The following MTNR1A variants were observed in gnomAD, a reference collection of about 807,000 sequenced individuals.
MTNR1A encodes melatonin receptor type 1A.
In MTNR1A, 7 loss-of-function variants were observed where a neutral mutation model predicts 5.5. That is an observed-to-expected ratio of 1.28 (90% CI 0.73 to 2.40). The LOEUF is 2.40. Ranked by LOEUF, MTNR1A falls within the 30% of genes most tolerant of loss-of-function variation. MTNR1A has a pLI of 0.00. For missense variants in MTNR1A, 441 were observed against 464.4 expected (o/e 0.95, Z 0.46); for synonymous variants, 196 against 202.7 (o/e 0.97, Z 0.28).
In MTNR1A at chr4:186,547,388, G is replaced by A. The variant is rs28615203; in HGVS notation, c.184+7794C>T. ...GGACACACTGTCCACACCACACCCT[G>A]TTCGTGGGACACACTGTCCTCACAC... is the stretch of plus-strand genomic sequence containing the variant. On this transcript the variant is annotated intron_variant, in intron 1 of 1. Transcript: ENST00000307161. Among the ~76,000 whole-genome samples, 445 of 147,470 alleles carry A rather than the reference G, an allele frequency of 3.0e-3. 5 individuals carry two copies. Among genetic ancestry groups the A allele is most frequent in the African/African-American group, 9.3e-3 (362 of 38,834 alleles).
At chr4:186,548,253 C>T (rs1433918007) in intron 1 of MTNR1A, among the ~76,000 whole-genome samples, 1 of 151,904 alleles carries the variant, frequency 6.6e-6, no homozygotes. Flanking sequence ...TTGCTAAATC[C>T]AAAAGAGAGT....
chr4:186,535,023 G>A (rs1332384198), intron 1 of MTNR1A, among the ~76,000 whole-genome samples: 2 of 152,176 alleles, frequency 1.3e-5, no homozygotes, highest in Non-Finnish European at 2.9e-5. Context: ...CATAGAGAGG[G>A]AGTTAAGGGC....
At chr4:186,540,179 T>C (rs1340577801) in intron 1 of MTNR1A, among the ~76,000 whole-genome samples, 1 of 152,156 alleles carries the variant, frequency 6.6e-6, no homozygotes, top group Non-Finnish European at 1.5e-5. Context: ...GACCTGCCCC[T>C]GTGATTCAAT....
rs113093366 is a variant in MTNR1A, at chr4:186,549,365, C to A, written c.184+5817G>T. 8.5e-4 allele frequency among the ~76,000 whole-genome samples: 130 copies of A among 152,336 alleles called. 1 individual carries two copies. In the Middle Eastern group the frequency reaches 0.01, roughly 12 times the overall value. ...CAGGCTAGTTCTCCAGCAGGCGTTT[C>A]TTCGAAAGACCTGAAGCCAGTGTGT... On this transcript the variant is annotated intron_variant, in intron 1 of 1. Transcript: ENST00000307161.
rs893157784 is a variant in MTNR1A at position 186,534,705 on chromosome 4, C to A, written c.185-148G>T. 59 of 787,948 alleles carry A rather than the reference C, an allele frequency of 7.5e-5. No homozygotes were observed. In the African/African-American group the frequency reaches 2.0e-3, roughly 27 times the overall value. 48.8% of individuals were successfully genotyped at this position (787,948 alleles called of 1,614,324 possible). On this transcript the variant is annotated intron_variant, in intron 1 of 1. Transcript: ENST00000307161. ...CTGCAAATGAAGTGGAGGCCGTTTC[C>A]CAGGAGGGCCAGTCCACTGCCGCTC...
chr4:186,536,447 G>C (rs986863725), intron 1 of MTNR1A, among the ~76,000 whole-genome samples: 1 of 152,148 alleles, frequency 6.6e-6, no homozygotes, highest in African/African-American at 2.4e-5. Flanking sequence ...GGGTGCGCTG[G>C]ACAGGGACAG....
intron 1 of MTNR1A, among the ~76,000 whole-genome samples, chr4:186,536,615 C>T (rs900388476): frequency 2.6e-5 from 4 of 152,172 alleles, no homozygotes; most frequent in African/African-American, 9.6e-5. Context: ...TTTGCTCATA[C>T]ACTCAATGAG....
chr4:186,545,522 G>A (rs78538275), intron 1 of MTNR1A, among the ~76,000 whole-genome samples: 5 of 152,210 alleles, frequency 3.3e-5, no homozygotes, highest in Non-Finnish European at 7.4e-5. Flanking sequence ...TTGAATTAAC[G>A]CACCCTTTGG....
intron 1 of MTNR1A, 33 bp from the exon 2 acceptor site, chr4:186,534,590 T>G (rs748198056): frequency 6.2e-7 from 1 of 1,600,994 alleles, no homozygotes; most frequent in East Asian, 2.2e-5. Context: ...ATACAGTGAA[T>G]ACCAGTTCAC....
At position 186,555,082 on chromosome 4, in the gene MTNR1A, G is replaced by T; in HGVS notation, c.184+100C>A. On this transcript the variant is annotated intron_variant, in intron 1 of 1. Coordinates refer to ENST00000307161, the MANE Select transcript of MTNR1A (RefSeq NM_005958.4). The surrounding 1 kb of genome is among the most constrained non-coding windows in gnomAD (Gnocchi z 4.1). ...CAGGAAAAATAACTCCAAGTCCGCA[G>T]TGTTTAGGAAAAAGAACCAAGTGCT... The T allele has an allele frequency of 7.8e-7, 1 of 1,280,664 alleles. No homozygotes were observed. Among genetic ancestry groups the T allele is most frequent in the Non-Finnish European group, 1.1e-6 (1 of 904,672 alleles). The allele number at this position is 1,280,664 out of a possible 1,614,324, so 79.3% of individuals were successfully genotyped here. A position where few individuals can be genotyped will look rare whatever the true frequency, so the allele number is the denominator to read the frequency against.
Position 186,533,849 on chromosome 4 carries a change from A to C in MTNR1A, c.893T>G (p.Leu298Arg), listed in dbSNP as rs768255388. The C allele has an allele frequency of 1.2e-6, 2 of 1,614,190 alleles. No homozygotes were observed. ...SCLNAIIYGLLNQNFRKEYRR... is the reference protein window; with the variant it reads ...SCLNAIIYGLRNQNFRKEYRR... The stretch of plus-strand genomic sequence containing the variant: ...GTATTCCTTCCTGAAATTTTGGTTC[A>C]GTAGCCCGTATATAATGGCATTGAG... The change falls in exon 2 of 2, where the codon CTG becomes CGG. Residue 298 changes from leucine to arginine, a missense_variant. By Grantham distance (102) the Leu-to-Arg change is moderately radical. Coordinates refer to ENST00000307161, the MANE Select transcript of MTNR1A (RefSeq NM_005958.4).
At chr4:186,535,838 A>G (rs1051340003) in intron 1 of MTNR1A, among the ~76,000 whole-genome samples, 1 of 152,044 alleles carries the variant, frequency 6.6e-6, no homozygotes, top group East Asian at 1.9e-4. Flanking sequence ...AATCCTGCCC[A>G]TTCTCCCAAG....
rs74674462 is a variant in MTNR1A, at chr4:186,538,141, C to T, written c.185-3584G>A. On this transcript the variant is annotated intron_variant, in intron 1 of 1. Coordinates refer to ENST00000307161, the MANE Select transcript of MTNR1A (RefSeq NM_005958.4). ...AGCACGACGTTGCTTTTCTGTTTAT[C>T]GCGATTATGTCTCTACTTCTCCCCA... Among the ~76,000 whole-genome samples, 74 of 152,306 alleles carry T rather than the reference C, an allele frequency of 4.9e-4. No individual in the cohort carries two copies. In the East Asian group the frequency reaches 0.013, roughly 27 times the overall value.
Position 186,534,538 on chromosome 4 carries a change from G to A in MTNR1A, c.204C>T (p.Ser68=). 2.5e-6 allele frequency: 4 copies of A among 1,612,698 alleles called. No homozygotes were observed. The highest frequency in any genetic ancestry group is 3.4e-6 in the Non-Finnish European group (4 of 1,180,016). ...CCACCACCAGGTCTGCCACCGCTAAGCTCACCACAAAGATGTTTCCTGAAA... is the reference window on the plus strand; with the variant it reads ...CCACCACCAGGTCTGCCACCGCTAAACTCACCACAAAGATGTTTCCTGAAA... ...LRNAGNIFVV[S]LAVADLVVAI... is the part of the protein sequence containing the mutation. The change falls in exon 2 of 2, where the codon AGC becomes AGT. Residue 68 remains serine, a synonymous_variant. Transcript: ENST00000307161.
intron 1 of MTNR1A, among the ~76,000 whole-genome samples, chr4:186,543,130 C>A (rs936841199): frequency 4.6e-5 from 7 of 152,212 alleles, no homozygotes; most frequent in Middle Eastern, 3.4e-3. Context: ...GTTGAGAGTG[C>A]CACCTGCTAT....
Position 186,534,344 on chromosome 4 carries a change from A to C in MTNR1A, c.398T>G (p.Leu133Arg), listed in dbSNP as rs769593513. ...GCTGCTGTACAGTTTGTCGTACTTG[A>C]GACTGTGGCAGATGTAGCAGTAGCG... ...INRYCYICHS[L>R]KYDKLYSSKN... The change falls in exon 2 of 2, where the codon CTC (leucine) becomes CGC (arginine). Residue 133 changes from leucine (L) to arginine (R), a missense_variant. Transcript: ENST00000307161. 6.2e-7 allele frequency: 1 copy of C among 1,614,150 alleles called. No individual in the cohort carries two copies. The highest frequency in any genetic ancestry group is 1.1e-5 in the South Asian group (1 of 91,080).
chr4:186,555,136 C>T lies in MTNR1A; in HGVS notation c.184+46G>A. ...GGAAGGCTGGCTGCCCGCGGAGAGG[C>T]GCTGCGTCCGGAGCGCTGGCCCAGG... On this transcript the variant is annotated intron_variant, in intron 1 of 1. Transcript: ENST00000307161. This position sits in a 1 kb window ranked among gnomAD's most constrained non-coding sequence, Gnocchi z 4.1. 2 of 1,553,846 alleles carry T rather than the reference C, an allele frequency of 1.3e-6. No homozygotes were observed. The highest frequency in any genetic ancestry group is 8.7e-7 in the Non-Finnish European group (1 of 1,145,194).
intron 1 of MTNR1A, among the ~76,000 whole-genome samples, chr4:186,551,882 G>T (rs767705085): frequency 1.3e-4 from 20 of 152,160 alleles, no homozygotes; most frequent in Non-Finnish European, 2.4e-4. Context: ...TCCAGCCATA[G>T]AGCCATTCTG....
Position 186,555,470 on chromosome 4 carries a change from C to T in MTNR1A, c.-105G>A. 1.0e-6 allele frequency: 1 copy of T among 987,324 alleles called. No individual in the cohort carries two copies. The highest frequency in any genetic ancestry group is 1.3e-6 in the Non-Finnish European group (1 of 773,594). 61.2% of individuals were successfully genotyped at this position (987,324 alleles called of 1,614,324 possible). The stretch of plus-strand genomic sequence containing the variant: ...CGCTCCCCGCGCCCACGCCCCATCC[C>T]GCGCGCTCCTCCACGCCGCGCCCCC... On this transcript the variant is annotated 5_prime_UTR_variant, in exon 1 of 2. Transcript: ENST00000307161. This position sits in a 1 kb window ranked among gnomAD's most constrained non-coding sequence, Gnocchi z 4.1.
Sources: gnomAD v4.1 joint callset for allele counts (sites outside exome capture counted in the v4.1 genomes callset) on GRCh38, gnomAD v4.1.1 for gene constraint, Gnocchi (gnomAD v3.1) non-coding constraint, MANE v1.5 for transcripts, NCBI Gene and HGNC (gene_info 2026-07-23, HGNC 2026-07-21) for gene names.